RAB33B: variants seen among roughly 807,000 people sequenced by gnomAD.
RAB33B encodes RAB33B, member RAS oncogene family.
Under a neutral mutation model 15.0 loss-of-function variants are expected in RAB33B, and 6 were observed. The ratio of observed to expected loss-of-function variants is 0.40; its 90% confidence interval spans 0.22 to 0.79. The LOEUF (loss-of-function observed/expected upper bound fraction) is 0.79. RAB33B is among the 30% of genes least tolerant of loss of function. RAB33B has a pLI of 0.37. For synonymous variants in RAB33B, 117 were observed against 108.3 expected (o/e 1.08, Z -0.50); for missense variants, 257 against 296.4 (o/e 0.87, Z 0.98).
chr4:139,464,516 T>G (rs1218247743), intron 1 of RAB33B, among the ~76,000 whole-genome samples: 1 of 151,898 alleles, frequency 6.6e-6, no homozygotes, highest in East Asian at 1.9e-4. Context: ...CATTAGGTAT[T>G]TCTTCTAATG....
intron 1 of RAB33B, among the ~76,000 whole-genome samples, chr4:139,460,892 T>C (rs772172762): frequency 6.6e-6 from 1 of 152,150 alleles, no homozygotes; most frequent in Non-Finnish European, 1.5e-5. Context: ...ATTCCTGTTG[T>C]TTTTCTAGCC....
At chr4:139,446,320 C>T in the RAB33B span, among the ~76,000 whole-genome samples, 3 of 152,210 alleles carry the variant, frequency 2.0e-5, no homozygotes, top group Admixed American at 6.5e-5. Flanking sequence ...AAGTGGACAG[C>T]TGTAGCACTA....
chr4:139,460,384 A>G (rs1359377590), intron 1 of RAB33B, among the ~76,000 whole-genome samples: 3 of 152,244 alleles, frequency 2.0e-5, no homozygotes, highest in African/African-American at 7.2e-5. Context: ...ACATGCCTAG[A>G]GAGAATAGTA....
At chr4:139,441,873 A>G in the RAB33B span, among the ~76,000 whole-genome samples, 1 of 152,090 alleles carries the variant, frequency 6.6e-6, no homozygotes, top group African/African-American at 2.4e-5. Flanking sequence ...CTATTCTGCC[A>G]TTTTCCTAGA....
At chr4:139,453,257 A>G (rs894536710), upstream of RAB33B, 4 of 152,120 alleles carry the variant, frequency 2.6e-5, no homozygotes, top group African/African-American at 9.7e-5. Flanking sequence ...GGCTGGGGAT[A>G]TTAGCTCAAC....
chr4:139,472,066 C>T (rs1234286006), intron 1 of RAB33B, among the ~76,000 whole-genome samples: 1 of 152,162 alleles, frequency 6.6e-6, no homozygotes, highest in Non-Finnish European at 1.5e-5. Context: ...ATTTCTGTAT[C>T]TGATCTTAGG....
At chr4:139,456,104 A>C (rs1211631750) in intron 1 of RAB33B, among the ~76,000 whole-genome samples, 11 of 152,186 alleles carry the variant, frequency 7.2e-5, no homozygotes. Context: ...AGATGAGGAC[A>C]TATATGAAGC....
In RAB33B at chr4:139,454,336, A is replaced by G. The variant is rs771039039; in HGVS notation, c.141A>G (p.Thr47=). 1.1e-5 allele frequency: 17 copies of G among 1,613,982 alleles called. No homozygotes were observed. The highest frequency in any genetic ancestry group is 1.4e-5 in the Non-Finnish European group (16 of 1,180,010). Residue 47 remains threonine, a synonymous_variant, in exon 1 of 2, where the codon ACA becomes ACG. Coordinates refer to ENST00000305626, the MANE Select transcript of RAB33B (RefSeq NM_031296.3). ...IVIGDSNVGK[T]CLTYRFCAGR... Reference sequence around the variant, plus strand: ...TCGGCGACTCCAATGTGGGCAAGACATGCCTGACCTACCGCTTCTGCGCTG... The same window carrying G: ...TCGGCGACTCCAATGTGGGCAAGACGTGCCTGACCTACCGCTTCTGCGCTG...
At chr4:139,440,647 C>T in the RAB33B span, among the ~76,000 whole-genome samples, 2 of 151,166 alleles carry the variant, frequency 1.3e-5, no homozygotes, top group Admixed American at 6.6e-5. Context: ...GAGTCTCGCT[C>T]TGTTACCTAG....
At chr4:139,455,003 A>G (rs974145182) in intron 1 of RAB33B, among the ~76,000 whole-genome samples, 3 of 152,186 alleles carry the variant, frequency 2.0e-5, no homozygotes, top group South Asian at 2.1e-4. Context: ...AGAAAAATCT[A>G]TTTTCCTGCA....
Position 139,454,301 on chromosome 4 carries a change from A to C in RAB33B, c.106A>C (p.Ile36Leu). The change falls in exon 1 of 2, where the codon ATA (isoleucine) becomes CTA (leucine). Residue 36 changes from isoleucine to leucine, a missense_variant. Physicochemically the swap from Ile to Leu is conservative, Grantham distance 5 (BLOSUM62 2). Transcript: ENST00000305626. ...TCCTGCCCGCTCCCGCATCTTCAAG[A>C]TAATCGTGATCGGCGACTCCAATGT... is the stretch of plus-strand genomic sequence containing the variant. ...LPPARSRIFKIIVIGDSNVGK... is the reference protein window; with the variant it reads ...LPPARSRIFKLIVIGDSNVGK... The C allele has an allele frequency of 6.2e-7, 1 of 1,614,112 alleles. No homozygotes were observed. The highest frequency in any genetic ancestry group is 8.5e-7 in the Non-Finnish European group (1 of 1,180,016).
the RAB33B span, among the ~76,000 whole-genome samples, chr4:139,447,009 G>C: frequency 6.6e-6 from 1 of 152,180 alleles, no homozygotes; most frequent in African/African-American, 2.4e-5. Flanking sequence ...ATATCGGTTT[G>C]CCTATCCTGC....
At chr4:139,441,515 C>G in the RAB33B span, among the ~76,000 whole-genome samples, 1 of 151,998 alleles carries the variant, frequency 6.6e-6, no homozygotes, top group Non-Finnish European at 1.5e-5. Flanking sequence ...ATGTACTGTC[C>G]AAGTCTTCCT....
intron 1 of RAB33B, among the ~76,000 whole-genome samples, chr4:139,466,895 T>G (rs912172448): frequency 6.6e-6 from 1 of 151,736 alleles, no homozygotes; most frequent in African/African-American, 2.4e-5. Flanking sequence ...TATATTTTAT[T>G]TGCAGATATT....
At chr4:139,458,945 C>T (rs972084241) in intron 1 of RAB33B, among the ~76,000 whole-genome samples, 12 of 152,054 alleles carry the variant, frequency 7.9e-5, no homozygotes, top group African/African-American at 2.7e-4. Flanking sequence ...TAATAATAGC[C>T]CTTCTGACTG....
upstream of RAB33B, chr4:139,454,036 G>T: frequency 1.2e-6 from 1 of 815,294 alleles, no homozygotes; most frequent in Non-Finnish European, 1.8e-6. Context: ...GCAAGGGCGG[G>T]GCGGGAAGGT....
upstream of RAB33B, chr4:139,454,073 C>A: frequency 8.5e-7 from 1 of 1,169,798 alleles, no homozygotes; most frequent in Non-Finnish European, 1.2e-6. Context: ...GGCTGGTGGG[C>A]GGTGGCTCCT....
At chr4:139,448,235 GA>G (rs929545238), upstream of RAB33B, among the ~76,000 whole-genome samples, 1 of 152,114 alleles carries the variant, frequency 6.6e-6, no homozygotes, top group Non-Finnish European at 1.5e-5. Context: ...ACGCCACCAG[GA>G]AAAAAACCAC....
chr4:139,460,752 G>C (rs1460275952), intron 1 of RAB33B, among the ~76,000 whole-genome samples: 1 of 152,174 alleles, frequency 6.6e-6, no homozygotes, highest in African/African-American at 2.4e-5. Flanking sequence ...AAACTTTTGG[G>C]CAGTTTCTGG....
Sources: allele counts gnomAD v4.1 joint callset (sites outside exome capture counted in the v4.1 genomes callset), GRCh38; gene constraint gnomAD v4.1.1; transcripts MANE v1.5; gene names NCBI Gene and HGNC (gene_info 2026-07-23, HGNC 2026-07-21).